The following SLC23A3 variants were observed in gnomAD, a reference collection of about 807,000 sequenced individuals.
SLC23A3 encodes the protein solute carrier family 23 member 3, also known as E2-binding protein 3.
SLC23A3 carries 41 observed loss-of-function variants against 64.7 expected under a neutral mutation model. The ratio of observed to expected loss-of-function variants is 0.63; its 90% CI spans 0.49 to 0.82. SLC23A3 has a LOEUF of 0.82. Ranked by LOEUF, SLC23A3 falls within the 40% of genes least tolerant of loss-of-function variation. The pLI, the probability that SLC23A3 is intolerant of heterozygous loss-of-function variation, is 0.00. For missense variants in SLC23A3, 647 were observed against 733.4 expected, an observed-to-expected ratio of 0.88 and a Z score of 1.36; for synonymous variants, 281 against 306.8, an observed-to-expected ratio of 0.92 and a Z score of 0.88.
In SLC23A3 at chr2:219,168,064, A is replaced by G. The variant is rs1559210209; in HGVS notation, c.799-20T>C. 1 of 1,567,392 alleles carries G rather than the reference A, an allele frequency of 6.4e-7. No homozygotes were observed. The highest frequency in any genetic ancestry group is 2.2e-5 in the East Asian group (1 of 44,476). ...CAGCACCTGAGGGGCGAGACTGAGA[A>G]AAGAACTCCTCCCCCAGAACCTTCT... is the stretch of plus-strand genomic sequence containing the variant. On this transcript the variant is annotated intron_variant, in intron 6 of 11. Coordinates refer to ENST00000409878, the MANE Select transcript of SLC23A3 (RefSeq NM_001144889.2).
intron 8 of SLC23A3, chr2:219,164,578 G>A: frequency 4.5e-6 from 2 of 445,702 alleles, no homozygotes; most frequent in Non-Finnish European, 8.0e-6. Context: ...TTAATTTTTT[G>A]AGATGGAGTC....
At chr2:219,168,096 G>C (rs1208208285) in intron 6 of SLC23A3, 52 bp from the exon 7 acceptor site, 2 of 1,570,312 alleles carry the variant, frequency 1.3e-6, no homozygotes, top group African/African-American at 2.7e-5. Flanking sequence ...TTCTGAGCCA[G>C]CCTTGCAGGG....
rs755065756 is a variant in SLC23A3 at position 219,168,313 on chromosome 2, A to G, written c.680T>C (p.Ile227Thr). 3.1e-6 allele frequency: 5 copies of G among 1,603,804 alleles called. No individual in the cohort carries two copies. In the Admixed American group the frequency reaches 8.6e-5, roughly 28 times the overall value. Residue 227 changes from isoleucine (I) to threonine (T), a missense_variant, in exon 6 of 12, where the codon ATC becomes ACC. By Grantham distance (89) the Ile-to-Thr change is moderately conservative. Transcript: ENST00000409878. Reference protein sequence around the residue: ...FTHWGLALLVILLMVVCSQHL... With the variant: ...FTHWGLALLVTLLMVVCSQHL... ...CTGAGAACAGACCACCATGAGCAGG[A>G]TAACCCTAGGAGACAGAAGGCTTTA...
intron 9 of SLC23A3, among the ~76,000 whole-genome samples, 155 bp from the exon 10 acceptor site, chr2:219,163,710 T>G (rs1440621540): frequency 6.6e-6 from 1 of 152,202 alleles, no homozygotes; most frequent in East Asian, 1.9e-4. Context: ...TTGGTTTTTT[T>G]TTGAGAGCAA....
chr2:219,168,144 C>A, intron 6 of SLC23A3, 51 bp downstream of exon 6: 1 of 1,604,812 alleles, frequency 6.2e-7, no homozygotes, highest in Non-Finnish European at 8.5e-7. Context: ...GGAGTGAGCA[C>A]TCCAGGCCAG....
chr2:219,165,356 G>A lies in SLC23A3; in HGVS notation c.980C>T (p.Ala327Val). ...LAAGISMALA[A>V]STSSLGCYAL... ...ATAGCAGCCCAGGGAACTGGTGGAG[G>A]CTGCCAAGGCCATGGAGATGCCTGC... The change falls in exon 8 of 12, where the codon GCC becomes GTC. Residue 327 changes from alanine to valine, a missense_variant. Transcript: ENST00000409878. 1 of 1,551,414 alleles carries A rather than the reference G, an allele frequency of 6.4e-7. No individual in the cohort carries two copies. Among genetic ancestry groups the A allele is most frequent in the African/African-American group, 1.4e-5 (1 of 73,178 alleles).
At chr2:219,163,300 G>T in intron 10 of SLC23A3, 88 bp downstream of exon 10, 1 of 1,303,716 alleles carries the variant, frequency 7.7e-7, no homozygotes, top group Non-Finnish European at 1.1e-6. Flanking sequence ...CCAAAGCCCA[G>T]AGAAGGCTGT....
In SLC23A3 at chr2:219,165,400, C is replaced by T. The variant is rs1342261296; in HGVS notation, c.936G>A (p.Leu312=). The stretch of plus-strand genomic sequence containing the variant: ...TGCCTGCAGCCAGAGCTCTGGGCGT[C>T]AGCAAAGGCCAATTCCACTCACCTG... The part of the protein sequence containing the change: ...PHPGEWNWPL[L]TPRALAAGIS... The change falls in exon 8 of 12, where the codon CTG becomes CTA. Residue 312 remains leucine, a synonymous_variant. Transcript: ENST00000409878. 2 of 1,550,740 alleles carry T rather than the reference C, an allele frequency of 1.3e-6. No individual in the cohort carries two copies. The highest frequency in any genetic ancestry group is 1.7e-6 in the Non-Finnish European group (2 of 1,146,680).
intron 10 of SLC23A3, among the ~76,000 whole-genome samples, chr2:219,162,995 C>T (rs1949965336): frequency 1.3e-5 from 2 of 152,314 alleles, no homozygotes; most frequent in South Asian, 4.1e-4. Flanking sequence ...TAAGACTTCC[C>T]ACTTCTGTGT....
rs150716240 is a variant in SLC23A3, at chr2:219,164,659, A to T, written c.1168-321T>A. On this transcript the variant is annotated intron_variant, in intron 8 of 11. Coordinates refer to ENST00000409878, the MANE Select transcript of SLC23A3 (RefSeq NM_001144889.2). ...ACAGCAACCTCTGCCTCCCAGGCTC[A>T]AGCGATTCTCCTGCCTCAGCCTCCT... 1,839 of 265,796 alleles carry T rather than the reference A, an allele frequency of 6.9e-3. 37 individuals are homozygous for T. The highest frequency in any genetic ancestry group is 0.038 in the African/African-American group (1,692 of 43,990). 16.5% of individuals were successfully genotyped at this position (265,796 alleles called of 1,614,324 possible). A position where few individuals can be genotyped will look rare whatever the true frequency, so the allele number is the denominator to read the frequency against.
intron 9 of SLC23A3, 42 bp downstream of exon 9, chr2:219,164,191 G>T: frequency 2.2e-6 from 3 of 1,370,452 alleles, no homozygotes; most frequent in Non-Finnish European, 2.1e-6. Context: ...CCACACTGGG[G>T]AGTAGCAGTT....
chr2:219,164,915 T>A, intron 8 of SLC23A3: 1 of 521,340 alleles, frequency 1.9e-6, no homozygotes, highest in Non-Finnish European at 3.3e-6. Context: ...CTCTATGAAG[T>A]CCCCAAGAGA....
chr2:219,168,941 A>T, intron 4 of SLC23A3, 88 bp downstream of exon 4: 1 of 1,555,234 alleles, frequency 6.4e-7, no homozygotes, highest in Non-Finnish European at 8.8e-7. Flanking sequence ...ACTCCTTTCC[A>T]GGAGCATCTC....
At chr2:219,163,278 G>T in intron 10 of SLC23A3, 110 bp downstream of exon 10, 1 of 1,035,954 alleles carries the variant, frequency 9.7e-7, no homozygotes, top group Non-Finnish European at 1.4e-6. Context: ...ACAAATGGAT[G>T]AAGTATTTAC....
intron 7 of SLC23A3, among the ~76,000 whole-genome samples, chr2:219,165,798 C>T (rs1004130531): frequency 1.3e-5 from 2 of 152,194 alleles, no homozygotes; most frequent in South Asian, 2.1e-4. Context: ...TTAGCTCCTA[C>T]TCATCTCTTC....
rs780299735 is a variant in SLC23A3, at chr2:219,162,097, G to A, written c.1645C>T (p.Leu549Phe). The A allele has an allele frequency of 3.7e-6, 6 of 1,614,122 alleles. No homozygotes were observed. In the African/African-American group the frequency reaches 8.0e-5, roughly 22 times the overall value. Residue 549 changes from leucine (L) to phenylalanine (F), a missense_variant, in exon 12 of 12, where the codon CTT (leucine) becomes TTT (phenylalanine). Transcript: ENST00000409878. ...PREKAAQVYRLPFPIQNLCPC... is the reference protein window; with the variant it reads ...PREKAAQVYRFPFPIQNLCPC... ...CAGAGGTTTTGGATGGGGAAAGGAA[G>A]TCTGTACACTTGAGCAGCCTTCTCC...
chr2:219,165,116 T>C (rs1480137059), intron 8 of SLC23A3, 53 bp downstream of exon 8: 63 of 1,533,116 alleles, frequency 4.1e-5, no homozygotes, highest in Non-Finnish European at 4.7e-5. Flanking sequence ...TTCCTGTCCT[T>C]CTTCTTCCCC....
At position 219,161,729 on chromosome 2, in the gene SLC23A3, G is replaced by A. The variant is rs1391593173; in HGVS notation, c.*180C>T. 1 of 551,522 alleles carries A rather than the reference G, an allele frequency of 1.8e-6. No individual in the cohort carries two copies. Among genetic ancestry groups the A allele is most frequent in the African/African-American group, 1.9e-5 (1 of 53,670 alleles). The allele number at this position is 551,522 out of a possible 1,614,324, so 34.2% of individuals were successfully genotyped here. The stretch of plus-strand genomic sequence containing the variant: ...AAATCATGGCCTCTGCTCTGGAACA[G>A]TTAGGCCTAATTAAGACAAGGAAAG... On this transcript the variant is annotated 3_prime_UTR_variant, in exon 12 of 12. Transcript: ENST00000409878.
At chr2:219,167,686 A>G (rs1950017037) in intron 7 of SLC23A3, among the ~76,000 whole-genome samples, 1 of 151,648 alleles carries the variant, frequency 6.6e-6, no homozygotes, top group East Asian at 1.9e-4. Flanking sequence ...AGGTTGCGTG[A>G]GCCATGATCA....
Sources: gnomAD v4.1 joint callset for allele counts (sites outside exome capture counted in the v4.1 genomes callset) on GRCh38, gnomAD v4.1.1 for gene constraint, MANE v1.5 for transcripts, NCBI Gene and HGNC (gene_info 2026-07-23, HGNC 2026-07-21) for gene names.